The following NKAIN3 variants were observed in gnomAD, a reference collection of about 807,000 sequenced individuals.
NKAIN3 encodes the protein sodium/potassium transporting ATPase interacting 3.
In NKAIN3, 25 loss-of-function variants were observed where a neutral mutation model predicts 30.2. The observed-to-expected ratio is 0.83, with a 90% CI of 0.60 to 1.16. NKAIN3 has a LOEUF of 1.16. Ranked by LOEUF, NKAIN3 falls within the 50% of genes most tolerant of loss-of-function variation. NKAIN3 has a pLI of 0.00. For synonymous variants in NKAIN3, 91 were observed against 89.6 expected (o/e 1.02, Z -0.09); for missense variants, 225 against 254.1 (o/e 0.89, Z 0.78).
Position 62,478,751 on chromosome 8 carries a change from A to T in NKAIN3, c.55-100788A>T, listed in dbSNP as rs574371747. Among the ~76,000 whole-genome samples, 4 of 152,334 alleles carry T rather than the reference A, an allele frequency of 2.6e-5. No individual in the cohort carries two copies. The East Asian group carries it at 5.8e-4, about 22-fold the overall frequency. The stretch of plus-strand genomic sequence containing the variant: ...TACACTAAACCAAATAAACCAGATG[A>T]TCAGGGATGGAGTCAGGGTTAGGGG... On this transcript the variant is annotated intron_variant, in intron 1 of 6. Coordinates refer to ENST00000623646, the MANE Select transcript of NKAIN3 (RefSeq NM_001304533.3).
At chr8:62,767,609 C>T (rs145194927) in intron 4 of NKAIN3, among the ~76,000 whole-genome samples, 162 of 151,908 alleles carry the variant, frequency 1.1e-3, no homozygotes, top group African/African-American at 3.8e-3. Flanking sequence ...AAAATGTTTT[C>T]AGTGTCTACA....
downstream of NKAIN3, among the ~76,000 whole-genome samples, chr8:62,989,145 G>A (rs940985011): frequency 6.6e-6 from 1 of 152,204 alleles, no homozygotes; most frequent in South Asian, 2.1e-4. Flanking sequence ...TTTCTAGGAA[G>A]TTCCAAACTT....
At chr8:62,561,184 G>T (rs556066439) in intron 1 of NKAIN3, among the ~76,000 whole-genome samples, 1 of 152,172 alleles carries the variant, frequency 6.6e-6, no homozygotes, top group Non-Finnish European at 1.5e-5. Flanking sequence ...TTCCAAATGT[G>T]AGTTATATGC....
intron 1 of NKAIN3, among the ~76,000 whole-genome samples, chr8:62,417,507 C>T (rs1450204528): frequency 6.6e-6 from 1 of 152,176 alleles, no homozygotes; most frequent in Non-Finnish European, 1.5e-5. Flanking sequence ...CTTGCTGGAA[C>T]ATACGGTAGC....
At chr8:62,626,567 C>T (rs1386234464) in intron 3 of NKAIN3, among the ~76,000 whole-genome samples, 1 of 152,076 alleles carries the variant, frequency 6.6e-6, no homozygotes, top group Non-Finnish European at 1.5e-5. Flanking sequence ...TGACACATGT[C>T]TAAAGGCGGG....
intron 3 of NKAIN3, among the ~76,000 whole-genome samples, chr8:62,642,239 A>G (rs1812332061): frequency 6.6e-6 from 1 of 152,136 alleles, no homozygotes; most frequent in Admixed American, 6.6e-5. Context: ...TGAGGTTCCT[A>G]CATGTCACCA....
chr8:62,297,606 A>G (rs1191724548), intron 1 of NKAIN3, among the ~76,000 whole-genome samples: 2 of 152,120 alleles, frequency 1.3e-5, no homozygotes, highest in Non-Finnish European at 2.9e-5. Flanking sequence ...AGAAATGCAA[A>G]TCAAAACCAC....
At position 62,540,507 on chromosome 8, in the gene NKAIN3, T is replaced by G. The variant is rs10095848; in HGVS notation, c.55-39032T>G. ...TTCATTTATTTGTTTTCTACCTTTTTGTCTCCAATTAACCTCCAACTCTAC... is the reference window on the plus strand; with the variant it reads ...TTCATTTATTTGTTTTCTACCTTTTGGTCTCCAATTAACCTCCAACTCTAC... On this transcript the variant is annotated intron_variant, in intron 1 of 6. Coordinates refer to ENST00000623646, the MANE Select transcript of NKAIN3 (RefSeq NM_001304533.3). 3.2e-3 allele frequency among the ~76,000 whole-genome samples: 489 copies of G among 152,336 alleles called. 4 individuals are homozygous for G. Among genetic ancestry groups the G allele is most frequent in the African/African-American group, 0.011 (468 of 41,588 alleles).
chr8:62,621,507 T>C (rs541104697), intron 3 of NKAIN3, among the ~76,000 whole-genome samples: 207 of 152,224 alleles, frequency 1.4e-3, no homozygotes, highest in African/African-American at 4.7e-3. Flanking sequence ...AAATATATGC[T>C]TTCTTTAAAT....
In NKAIN3 at chr8:62,345,258, TACAC is replaced by T. The variant is rs34666037; in HGVS notation, c.54+96145_54+96148del. On this transcript the variant is annotated intron_variant, in intron 1 of 6. Transcript: ENST00000623646. ...AAATATGTACATGTGGGTATATATA[TACAC>T]ACACACACACACATATACACGCACA... Among the ~76,000 whole-genome samples, 1,225 of 142,766 alleles carry T rather than the reference TACAC, an allele frequency of 8.6e-3. 26 individuals are homozygous for T. The highest frequency in any genetic ancestry group is 0.031 in the African/African-American group (1,167 of 37,210). The allele number at this position is 142,766 out of a possible 152,430, so 93.7% of individuals were successfully genotyped here. A position where few individuals can be genotyped will look rare whatever the true frequency, so the allele number is the denominator to read the frequency against.
chr8:62,880,622 A>G lies in NKAIN3; in HGVS notation c.472-37831A>G, dbSNP rs552485173. On this transcript the variant is annotated intron_variant, in intron 4 of 6. Coordinates refer to ENST00000623646, the MANE Select transcript of NKAIN3 (RefSeq NM_001304533.3). Reference sequence around the variant, plus strand: ...CCTTAAAAAAATGGAATTTTAAAAGATTTACTTACAGCTTTGTGCACACTT... The same window carrying G: ...CCTTAAAAAAATGGAATTTTAAAAGGTTTACTTACAGCTTTGTGCACACTT... Among the ~76,000 whole-genome samples, 6 of 152,316 alleles carry G rather than the reference A, an allele frequency of 3.9e-5. No homozygotes were observed. In the East Asian group the frequency reaches 1.2e-3, roughly 29 times the overall value.
At chr8:62,540,066 G>A (rs1808790947) in intron 1 of NKAIN3, among the ~76,000 whole-genome samples, 1 of 152,064 alleles carries the variant, frequency 6.6e-6, no homozygotes, top group African/African-American at 2.4e-5. Flanking sequence ...ATCAAAGTTA[G>A]ATACATCAAC....
intron 1 of NKAIN3, among the ~76,000 whole-genome samples, chr8:62,476,303 A>G (rs1300341176): frequency 6.6e-6 from 1 of 152,204 alleles, no homozygotes; most frequent in Non-Finnish European, 1.5e-5. Flanking sequence ...AATTTAGAAG[A>G]GTTGAGCCCT....
At chr8:62,283,112 C>T (rs2129397213) in intron 1 of NKAIN3, among the ~76,000 whole-genome samples, 1 of 152,252 alleles carries the variant, frequency 6.6e-6, no homozygotes, top group South Asian at 2.1e-4. Flanking sequence ...TACTTTTTTG[C>T]AGTCTCTCTA....
intron 1 of NKAIN3, among the ~76,000 whole-genome samples, chr8:62,298,198 G>T (rs1054041566): frequency 6.6e-6 from 1 of 150,800 alleles, no homozygotes; most frequent in Non-Finnish European, 1.5e-5. Flanking sequence ...GGAAGGGATA[G>T]CATTAGGAGA....
chr8:62,622,152 C>T (rs1022586187), intron 3 of NKAIN3, among the ~76,000 whole-genome samples: 1 of 151,936 alleles, frequency 6.6e-6, no homozygotes, highest in Non-Finnish European at 1.5e-5. Context: ...GAGTAGTATT[C>T]CATGGTAGAT....
intron 1 of NKAIN3, among the ~76,000 whole-genome samples, chr8:62,488,526 CCATCCTCTCAATA>C (rs1168639292): frequency 6.6e-6 from 1 of 152,038 alleles, no homozygotes; most frequent in African/African-American, 2.4e-5. Flanking sequence ...AATGGGTAGC[CCATCCTCTCAATA>C]AATATTTATT....
intron 1 of NKAIN3, among the ~76,000 whole-genome samples, chr8:62,302,421 T>A (rs1814080513): frequency 1.3e-5 from 2 of 152,068 alleles, no homozygotes; most frequent in South Asian, 4.1e-4. Flanking sequence ...GAAAAATAGT[T>A]AAAGTTTGTT....
intron 5 of NKAIN3, among the ~76,000 whole-genome samples, chr8:62,922,473 A>G (rs1822309569): frequency 6.6e-6 from 1 of 152,206 alleles, no homozygotes; most frequent in Non-Finnish European, 1.5e-5. Context: ...TGGAAGCCTC[A>G]GAGAAGTAAG....
Sources: gnomAD v4.1 joint callset for allele counts (sites outside exome capture counted in the v4.1 genomes callset) on GRCh38, gnomAD v4.1.1 for gene constraint, MANE v1.5 for transcripts, NCBI Gene and HGNC (gene_info 2026-07-23, HGNC 2026-07-21) for gene names.